The following RALGAPA1 variants were observed in gnomAD, a reference collection of about 807,000 sequenced individuals.
RALGAPA1 encodes Ral GTPase activating protein catalytic subunit alpha 1, also known as ral GTPase-activating protein subunit alpha-1.
RALGAPA1 carries 52 observed loss-of-function variants against 269.6 expected under a neutral mutation model. The ratio of observed to expected loss-of-function variants is 0.19; its 90% CI spans 0.15 to 0.24. The LOEUF is 0.24. RALGAPA1 is among the 10% of genes least tolerant of loss of function. RALGAPA1 has a pLI of 1.00. For missense variants in RALGAPA1, 1,917 were observed against 3,013.9 expected (o/e 0.64, Z 8.52); for synonymous variants, 817 against 1,008.3 (o/e 0.81, Z 3.60).
chr14:35,671,777 G>A (rs1202074271), intron 25 of RALGAPA1, among the ~76,000 whole-genome samples: 1 of 152,090 alleles, frequency 6.6e-6, no homozygotes, highest in Non-Finnish European at 1.5e-5. Context: ...GATTAAGGAA[G>A]GCTCTTTGCT....
intron 1 of RALGAPA1, among the ~76,000 whole-genome samples, chr14:35,803,172 A>G (rs935869344): frequency 4.6e-5 from 7 of 152,252 alleles, no homozygotes; most frequent in East Asian, 1.9e-4. Context: ...CTGGAACAAA[A>G]TAAGAGTCCA....
chr14:35,670,740 T>A (rs1315711750), intron 26 of RALGAPA1, among the ~76,000 whole-genome samples: 1 of 152,078 alleles, frequency 6.6e-6, no homozygotes, highest in Non-Finnish European at 1.5e-5. Flanking sequence ...CTGACCAACA[T>A]GGTGAAACCC....
chr14:35,727,310 CATATATATATATATATATAT>C (rs34288628), intron 13 of RALGAPA1, among the ~76,000 whole-genome samples: 97 of 104,488 alleles, frequency 9.3e-4, no homozygotes, highest in Non-Finnish European at 1.4e-3. Flanking sequence ...AAAATTATGG[CATATATATATATATATATAT>C]ATATATATAT....
At chr14:35,575,352 A>G (rs959606905) in intron 37 of RALGAPA1, among the ~76,000 whole-genome samples, 5 of 152,220 alleles carry the variant, frequency 3.3e-5, no homozygotes, top group African/African-American at 1.2e-4. Context: ...CTCAAGGTAT[A>G]TAACATAGGC....
intron 39 of RALGAPA1, among the ~76,000 whole-genome samples, chr14:35,558,234 T>A (rs1594568819): frequency 2.0e-5 from 3 of 152,228 alleles, no homozygotes; most frequent in Admixed American, 1.3e-4. Flanking sequence ...AACCTTAAGA[T>A]GTGCTGACTA....
intron 39 of RALGAPA1, among the ~76,000 whole-genome samples, chr14:35,554,350 T>C (rs1325799546): frequency 6.0e-5 from 8 of 133,588 alleles, no homozygotes; most frequent in Admixed American, 5.8e-4. Flanking sequence ...TTTTTTTTTT[T>C]TTTTTTTTTT....
intron 31 of RALGAPA1, among the ~76,000 whole-genome samples, chr14:35,636,820 C>T (rs2061691628): frequency 6.6e-6 from 1 of 152,192 alleles, no homozygotes; most frequent in South Asian, 2.1e-4. Context: ...TGCACCGAGC[C>T]TCGAATTATC....
At chr14:35,717,695 C>T (rs931743401) in intron 16 of RALGAPA1, among the ~76,000 whole-genome samples, 5 of 151,952 alleles carry the variant, frequency 3.3e-5, no homozygotes, top group African/African-American at 9.7e-5. Context: ...GGACTAGGGA[C>T]TACAGGCGTG....
At chr14:35,566,133 G>GAAA (rs565408565) in intron 39 of RALGAPA1, among the ~76,000 whole-genome samples, 1 of 150,466 alleles carries the variant, frequency 6.6e-6, no homozygotes, top group Non-Finnish European at 1.5e-5. Flanking sequence ...TCCCCTGCCT[G>GAAA]AAAAAAAAAG....
intron 37 of RALGAPA1, among the ~76,000 whole-genome samples, chr14:35,593,675 A>G (rs1027540856): frequency 6.6e-6 from 1 of 152,034 alleles, no homozygotes; most frequent in Admixed American, 6.6e-5. Context: ...CCTGGGAAAC[A>G]TGGCAAAACC....
At chr14:35,743,716 C>T (rs768903077) in intron 10 of RALGAPA1, among the ~76,000 whole-genome samples, 2 of 151,928 alleles carry the variant, frequency 1.3e-5, no homozygotes, top group Non-Finnish European at 2.9e-5. Context: ...ATTAAATTTG[C>T]CTCCAGAAAC....
At chr14:35,569,210 T>C (rs2056963071) in intron 39 of RALGAPA1, among the ~76,000 whole-genome samples, 1 of 152,206 alleles carries the variant, frequency 6.6e-6, no homozygotes, top group Admixed American at 6.5e-5. Flanking sequence ...GTTAAGATAA[T>C]AAATCTATTT....
chr14:35,558,844 T>A (rs1483553792), intron 39 of RALGAPA1, among the ~76,000 whole-genome samples: 2 of 152,100 alleles, frequency 1.3e-5, no homozygotes, highest in Admixed American at 6.6e-5. Context: ...CTGCCCATGA[T>A]TGGTGTCCAG....
At chr14:35,581,290 G>A (rs1195532775) in intron 37 of RALGAPA1, among the ~76,000 whole-genome samples, 1 of 152,076 alleles carries the variant, frequency 6.6e-6, no homozygotes, top group Non-Finnish European at 1.5e-5. Context: ...ACAGTCATTA[G>A]GTATAGGGAA....
At position 35,734,157 on chromosome 14, in the gene RALGAPA1, C is replaced by T. The variant is rs757745296; in HGVS notation, c.1587+4356G>A. Among the ~76,000 whole-genome samples the T allele has an allele frequency of 5.3e-5, 8 of 152,150 alleles. No homozygotes were observed. In the South Asian group the frequency reaches 1.5e-3, roughly 28 times the overall value. ...AAGTGATCTACAAATTCAATGCAAT[C>T]TCTATCAAAATGCCACTATAATTCT... is the stretch of plus-strand genomic sequence containing the variant. On this transcript the variant is annotated intron_variant, in intron 12 of 41. Transcript: ENST00000680220.
chr14:35,608,698 A>C (rs2059736905), intron 35 of RALGAPA1, among the ~76,000 whole-genome samples: 1 of 152,254 alleles, frequency 6.6e-6, no homozygotes, highest in Non-Finnish European at 1.5e-5. Flanking sequence ...ACATGATGCA[A>C]AACAAAGACA....
chr14:35,737,124 A>G lies in RALGAPA1; in HGVS notation c.1587+1389T>C, dbSNP rs553749311. 8.5e-5 allele frequency among the ~76,000 whole-genome samples: 13 copies of G among 152,334 alleles called. No individual in the cohort carries two copies. In the East Asian group the frequency reaches 2.1e-3, roughly 25 times the overall value. On this transcript the variant is annotated intron_variant, in intron 12 of 41. Coordinates refer to ENST00000680220, the MANE Select transcript of RALGAPA1 (RefSeq NM_001346249.2). ...AACACCCAAAATAATGGAAAAGCAT[A>G]TGAATTCATAGATAAGAAAAGATGC...
At chr14:35,572,518 A>C in intron 38 of RALGAPA1, 42 bp downstream of exon 38, 1 of 1,523,002 alleles carries the variant, frequency 6.6e-7, no homozygotes. Context: ...ACCCCTATAG[A>C]ACCAAAATCT....
intron 33 of RALGAPA1, among the ~76,000 whole-genome samples, chr14:35,634,168 T>C (rs1483557897): frequency 6.6e-6 from 1 of 152,100 alleles, no homozygotes; most frequent in Admixed American, 6.5e-5. Context: ...GTATCCCTAA[T>C]CTGAAAATCT....
Sources: allele counts gnomAD v4.1 joint callset (sites outside exome capture counted in the v4.1 genomes callset), GRCh38; gene constraint gnomAD v4.1.1; transcripts MANE v1.5; gene names NCBI Gene and HGNC (gene_info 2026-07-23, HGNC 2026-07-21).